LMX1A: variants seen among roughly 807,000 people sequenced by gnomAD.
LMX1A encodes the protein LIM homeobox transcription factor 1 alpha.
LMX1A carries 15 observed loss-of-function variants against 49.1 expected under a neutral mutation model. The ratio of observed to expected loss-of-function variants is 0.31; its 90% CI spans 0.20 to 0.47. The LOEUF is 0.47. Ranked by LOEUF, LMX1A falls within the 20% of genes least tolerant of loss-of-function variation. LMX1A has a pLI of 1.00. For missense variants in LMX1A, 372 were observed against 475.8 expected, an observed-to-expected ratio of 0.78 and a Z score of 2.03; for synonymous variants, 167 against 185.7, an observed-to-expected ratio of 0.90 and a Z score of 0.82.
chr1:165,249,850 A>T (rs1652993715), intron 3 of LMX1A, among the ~76,000 whole-genome samples: 1 of 152,220 alleles, frequency 6.6e-6, no homozygotes. Context: ...AGGGTGTCTG[A>T]CTGGATAAAG....
intron 3 of LMX1A, among the ~76,000 whole-genome samples, chr1:165,329,337 C>T (rs2881866): frequency 0.82 from 124,594 of 152,094 alleles, 51,224 homozygotes; most frequent in Middle Eastern, 0.91. Context: ...CAAGATGAGA[C>T]TTGGGTGGGG....
rs577230203 is a variant in LMX1A, at chr1:165,350,328, T to G, written c.263+2748A>C. On this transcript the variant is annotated intron_variant, in intron 3 of 8. Coordinates refer to ENST00000342310, the MANE Select transcript of LMX1A (RefSeq NM_177398.4). The stretch of plus-strand genomic sequence containing the variant: ...ATCTGGCCATTCCAGATAGCTTCTG[T>G]GCAATATCTAGTCCTACACTCTAAA... Among the ~76,000 whole-genome samples the G allele has an allele frequency of 5.8e-4, 89 of 152,356 alleles. 1 individual carries two copies. The highest frequency in any genetic ancestry group is 2.1e-3 in the African/African-American group (87 of 41,586).
chr1:165,294,109 T>C (rs1327317939), intron 3 of LMX1A, among the ~76,000 whole-genome samples: 2 of 152,138 alleles, frequency 1.3e-5, no homozygotes, highest in Non-Finnish European at 2.9e-5. Context: ...AGCTGATCAG[T>C]AGGGACTAAG....
rs115953994 is a variant in LMX1A, at chr1:165,283,922, T to C, written c.264-34282A>G. 8.7e-3 allele frequency among the ~76,000 whole-genome samples: 1,332 copies of C among 152,296 alleles called. 15 individuals carry two copies. Among genetic ancestry groups the C allele is most frequent in the Middle Eastern group, 0.027 (8 of 292 alleles). The stretch of plus-strand genomic sequence containing the variant: ...TTTATCTCTAATGCCCCTTTGTTGC[T>C]GGGAGGCAGAAGAAAGAAATTGCTG... On this transcript the variant is annotated intron_variant, in intron 3 of 8. Coordinates refer to ENST00000342310, the MANE Select transcript of LMX1A (RefSeq NM_177398.4).
At chr1:165,286,693 C>T (rs1654312685) in intron 3 of LMX1A, among the ~76,000 whole-genome samples, 4 of 152,128 alleles carry the variant, frequency 2.6e-5, no homozygotes, top group Admixed American at 2.6e-4. Flanking sequence ...AGTGATTTTA[C>T]AGATGAAGAA....
intron 3 of LMX1A, among the ~76,000 whole-genome samples, chr1:165,304,081 C>T (rs191492876): frequency 1.0e-3 from 153 of 152,218 alleles, no homozygotes; most frequent in African/African-American, 3.3e-3. Context: ...TACTGATCCT[C>T]AGTTCTGGAG....
chr1:165,329,552 A>C (rs1486115755), intron 3 of LMX1A, among the ~76,000 whole-genome samples: 3 of 152,160 alleles, frequency 2.0e-5, no homozygotes, highest in Non-Finnish European at 4.4e-5. Flanking sequence ...TCCCCACTAA[A>C]TGGGAAAAGA....
At chr1:165,262,984 G>A (rs367571422) in intron 3 of LMX1A, among the ~76,000 whole-genome samples, 3 of 152,062 alleles carry the variant, frequency 2.0e-5, no homozygotes, top group African/African-American at 7.2e-5. Flanking sequence ...CCATCAGCAG[G>A]CTTGGACATC....
At chr1:165,235,365 A>T (rs1394996859) in intron 4 of LMX1A, among the ~76,000 whole-genome samples, 2 of 150,978 alleles carry the variant, frequency 1.3e-5, no homozygotes, top group African/African-American at 4.9e-5. Context: ...AATCCAGGGG[A>T]CTCTCCCTTT....
intron 4 of LMX1A, among the ~76,000 whole-genome samples, chr1:165,233,696 G>C (rs10737509): frequency 0.69 from 104,303 of 152,056 alleles, 37,784 homozygotes; most frequent in Non-Finnish European, 0.8. Flanking sequence ...ATAACATTTA[G>C]AACTCTCAGT....
intron 4 of LMX1A, among the ~76,000 whole-genome samples, chr1:165,243,887 C>T (rs1373488535): frequency 6.6e-6 from 1 of 152,188 alleles, no homozygotes; most frequent in Non-Finnish European, 1.5e-5. Flanking sequence ...ATAAGAGTAT[C>T]TTTTGTTGGC....
At chr1:165,273,777 T>C (rs145202688) in intron 3 of LMX1A, among the ~76,000 whole-genome samples, 2 of 152,088 alleles carry the variant, frequency 1.3e-5, no homozygotes, top group African/African-American at 2.4e-5. Flanking sequence ...TGAAAAAAAC[T>C]AAGTGACAAT....
chr1:165,264,486 T>C (rs930794069), intron 3 of LMX1A, among the ~76,000 whole-genome samples: 2 of 152,044 alleles, frequency 1.3e-5, no homozygotes, highest in African/African-American at 4.8e-5. Context: ...CAGCCAGAAG[T>C]TTGGGGAGGA....
intron 3 of LMX1A, among the ~76,000 whole-genome samples, chr1:165,323,835 G>C (rs986491377): frequency 6.1e-5 from 8 of 130,270 alleles, no homozygotes; most frequent in African/African-American, 2.1e-4. Flanking sequence ...TTCTGTACTA[G>C]ATTGTAAAAT....
At chr1:165,338,580 C>T (rs1655972415) in intron 3 of LMX1A, among the ~76,000 whole-genome samples, 1 of 152,214 alleles carries the variant, frequency 6.6e-6, no homozygotes, top group Admixed American at 6.5e-5. Context: ...AATAATACAT[C>T]ATTAAGTGTT....
chr1:165,288,177 A>G (rs1654350474), intron 3 of LMX1A, among the ~76,000 whole-genome samples: 1 of 152,226 alleles, frequency 6.6e-6, no homozygotes, highest in Non-Finnish European at 1.5e-5. Flanking sequence ...CCAAGGGGTA[A>G]CAGGGATGGA....
intron 3 of LMX1A, among the ~76,000 whole-genome samples, chr1:165,278,593 G>T (rs750034927): frequency 6.6e-6 from 1 of 151,936 alleles, no homozygotes; most frequent in African/African-American, 2.4e-5. Context: ...CTCTTCACCT[G>T]CAGTCTTTCT....
In LMX1A at chr1:165,349,618, C is replaced by CTT. The variant is rs60205117; in HGVS notation, c.263+3456_263+3457dup. Among the ~76,000 whole-genome samples, 657 of 151,332 alleles carry CTT rather than the reference C, an allele frequency of 4.3e-3. 11 individuals are homozygous for CTT. The highest frequency in any genetic ancestry group is 0.013 in the African/African-American group (545 of 41,268). Reference sequence around the variant, plus strand: ...GTGTTCTACACTCTCACCTTAAATGCTTTTTTTTTGGTAATCAGAAGATAA... The same window carrying CTT: ...GTGTTCTACACTCTCACCTTAAATGCTTTTTTTTTTTGGTAATCAGAAGATAA... On this transcript the variant is annotated intron_variant, in intron 3 of 8. Coordinates refer to ENST00000342310, the MANE Select transcript of LMX1A (RefSeq NM_177398.4).
chr1:165,262,951 G>T (rs1202648255), intron 3 of LMX1A, among the ~76,000 whole-genome samples: 1 of 152,110 alleles, frequency 6.6e-6, no homozygotes, highest in Non-Finnish European at 1.5e-5. Flanking sequence ...CCTCCACAGT[G>T]TTTAGTCCTC....
Sources: allele counts gnomAD v4.1 joint callset (sites outside exome capture counted in the v4.1 genomes callset), GRCh38; gene constraint gnomAD v4.1.1; transcripts MANE v1.5; gene names NCBI Gene and HGNC (gene_info 2026-07-23, HGNC 2026-07-21).